The following CDK6 variants were observed in gnomAD, a reference collection of about 807,000 sequenced individuals.
CDK6 encodes cyclin dependent kinase 6, also known as cyclin-dependent kinase 6.
In CDK6, 6 loss-of-function variants were observed where a neutral mutation model predicts 37.1. The ratio of observed to expected loss-of-function variants is 0.16; its 90% CI spans 0.09 to 0.32. The LOEUF is 0.32. CDK6 is among the 10% of genes least tolerant of loss of function. The pLI is 1.00. For synonymous variants in CDK6, 160 were observed against 161.3 expected (o/e 0.99, Z 0.06); for missense variants, 224 against 418.9 (o/e 0.53, Z 4.06).
rs1395271678 is a variant in CDK6, at chr7:92,615,043, T to G, written c.*97A>C. 2 of 1,301,060 alleles carry G rather than the reference T, an allele frequency of 1.5e-6. No individual in the cohort carries two copies. Among genetic ancestry groups the G allele is most frequent in the South Asian group, 1.4e-5 (1 of 70,984 alleles). The allele number at this position is 1,301,060 out of a possible 1,614,324, so 80.6% of individuals were successfully genotyped here. Reference sequence around the variant, plus strand: ...AGACAGCAGCTGGAAGGCCTCCAGATAGCAATCCTCCACAGCTCTGTAGGG... The same window carrying G: ...AGACAGCAGCTGGAAGGCCTCCAGAGAGCAATCCTCCACAGCTCTGTAGGG... On this transcript the variant is annotated 3_prime_UTR_variant, in exon 8 of 8. Transcript: ENST00000424848.
At chr7:92,671,639 T>A (rs1053442153) in intron 4 of CDK6, 104 bp from the exon 5 acceptor site, 4 of 543,124 alleles carry the variant, frequency 7.4e-6, no homozygotes, top group African/African-American at 5.9e-5. Flanking sequence ...CAGAAAGAAC[T>A]CCTATAAATC....
At chr7:92,676,512 A>G (rs1317178410) in intron 4 of CDK6, among the ~76,000 whole-genome samples, 4 of 152,106 alleles carry the variant, frequency 2.6e-5, no homozygotes, top group Non-Finnish European at 5.9e-5. Flanking sequence ...ATATTTTTCT[A>G]TACTTCATTT....
chr7:92,662,865 A>G (rs769780853), intron 5 of CDK6, among the ~76,000 whole-genome samples: 4 of 152,228 alleles, frequency 2.6e-5, no homozygotes, highest in Non-Finnish European at 5.9e-5. Context: ...TGTGCCCCCA[A>G]GAAGCAGATA....
intron 3 of CDK6, among the ~76,000 whole-genome samples, chr7:92,755,222 C>T (rs888167906): frequency 3.9e-4 from 60 of 152,124 alleles, no homozygotes; most frequent in African/African-American, 1.4e-3. Context: ...TGCTGTGGGG[C>T]CCACTTCTAG....
chr7:92,727,096 G>A (rs1324619827), intron 3 of CDK6, among the ~76,000 whole-genome samples: 2 of 152,180 alleles, frequency 1.3e-5, no homozygotes, highest in Non-Finnish European at 2.9e-5. Flanking sequence ...TCTGAAGGTA[G>A]GAACTAAGAC....
chr7:92,768,933 GAGA>G (rs906392493), intron 3 of CDK6, among the ~76,000 whole-genome samples: 54 of 152,272 alleles, frequency 3.5e-4, no homozygotes, highest in South Asian at 4.2e-4. Flanking sequence ...GGAGTGAGAA[GAGA>G]AGAAGATCTG....
intron 3 of CDK6, among the ~76,000 whole-genome samples, chr7:92,745,529 T>C (rs1457313731): frequency 6.6e-6 from 1 of 152,228 alleles, no homozygotes; most frequent in African/African-American, 2.4e-5. Flanking sequence ...CTTCAAAATG[T>C]GTTCTGTTTT....
chr7:92,699,773 A>G lies in CDK6; in HGVS notation c.537+25853T>C, dbSNP rs559707441. On this transcript the variant is annotated intron_variant, in intron 4 of 7. Coordinates refer to ENST00000424848, the MANE Select transcript of CDK6 (RefSeq NM_001145306.2). Reference sequence around the variant, plus strand: ...TCACAGCTGAGCAGAGGAGGCAGACATGTAACTTACCAATTGCACAAGCTC... The same window carrying G: ...TCACAGCTGAGCAGAGGAGGCAGACGTGTAACTTACCAATTGCACAAGCTC... 6.6e-5 allele frequency among the ~76,000 whole-genome samples: 10 copies of G among 152,370 alleles called. 1 individual carries two copies. The South Asian group carries it at 2.1e-3, about 32-fold the overall frequency.
intron 2 of CDK6, among the ~76,000 whole-genome samples, chr7:92,820,538 A>G (rs895430306): frequency 9.2e-5 from 14 of 152,158 alleles, no homozygotes; most frequent in Non-Finnish European, 1.5e-5. Flanking sequence ...ACATAAGTGG[A>G]AGAAAGGTTA....
At chr7:92,766,368 A>G (rs1799581267) in intron 3 of CDK6, among the ~76,000 whole-genome samples, 1 of 152,198 alleles carries the variant, frequency 6.6e-6, no homozygotes, top group African/African-American at 2.4e-5. Flanking sequence ...ACTGTGAAGG[A>G]AAGCAAAAAA....
At chr7:92,662,616 G>A (rs568811466) in intron 5 of CDK6, among the ~76,000 whole-genome samples, 16 of 152,316 alleles carry the variant, frequency 1.1e-4, no homozygotes, top group Admixed American at 9.8e-4. Flanking sequence ...TTGTGTATAG[G>A]CTGGGGGACA....
intron 2 of CDK6, among the ~76,000 whole-genome samples, chr7:92,783,003 T>C (rs1199722777): frequency 1.3e-5 from 2 of 152,130 alleles, no homozygotes; most frequent in Non-Finnish European, 2.9e-5. Flanking sequence ...GGCTCCTCCA[T>C]TCGCATGTCC....
chr7:92,718,461 G>A (rs775994011), intron 4 of CDK6, among the ~76,000 whole-genome samples: 8 of 152,164 alleles, frequency 5.3e-5, no homozygotes, highest in Non-Finnish European at 7.3e-5. Flanking sequence ...AATACAACAC[G>A]CACGAAGAGG....
intron 2 of CDK6, among the ~76,000 whole-genome samples, chr7:92,796,565 C>T (rs1800418886): frequency 6.6e-6 from 1 of 151,994 alleles, no homozygotes; most frequent in African/African-American, 2.4e-5. Context: ...CAGTCTATTT[C>T]CCTTTTACAA....
intron 4 of CDK6, among the ~76,000 whole-genome samples, chr7:92,711,903 A>C (rs1798102344): frequency 6.6e-6 from 1 of 151,928 alleles, no homozygotes; most frequent in Admixed American, 6.6e-5. Context: ...AGCAATGAAC[A>C]AAGAATGCAG....
Position 92,833,544 on chromosome 7 carries a change from G to C in CDK6, c.-221C>G. On this transcript the variant is annotated 5_prime_UTR_variant, in exon 2 of 8. Coordinates refer to ENST00000424848, the MANE Select transcript of CDK6 (RefSeq NM_001145306.2). This position sits in a 1 kb window ranked among gnomAD's most constrained non-coding sequence, Gnocchi z 6.1. ...CTGGCGTAACCCTGGTGCCGCCGCCGCGAAACTCCGCCTGCAGAGTCGCCG... is the reference window on the plus strand; with the variant it reads ...CTGGCGTAACCCTGGTGCCGCCGCCCCGAAACTCCGCCTGCAGAGTCGCCG... 1.8e-6 allele frequency: 1 copy of C among 542,966 alleles called. No individual in the cohort carries two copies. The highest frequency in any genetic ancestry group is 3.2e-6 in the Non-Finnish European group (1 of 313,228). 33.6% of individuals were successfully genotyped at this position (542,966 alleles called of 1,614,324 possible). A position where few individuals can be genotyped will look rare whatever the true frequency, so the allele number is the denominator to read the frequency against.
intron 5 of CDK6, among the ~76,000 whole-genome samples, chr7:92,665,270 T>A (rs541240638): frequency 2.2e-4 from 28 of 125,398 alleles, no homozygotes; most frequent in Admixed American, 9.4e-4. Context: ...CATCCAATCA[T>A]CCATCCATCC....
rs1795416528 is a variant in CDK6 at position 92,605,867 on chromosome 7, G to GTACAGAGGTGT, written c.*9272_*9273insACACCTCTGTA. ...CAGGGTGGACCCGACAGGCCACTGT[G>GTACAGAGGTGT]GTAACTCTCAATCTGTGTACAGAGA... On this transcript the variant is annotated 3_prime_UTR_variant, in exon 8 of 8. Transcript: ENST00000424848. The GTACAGAGGTGT allele has an allele frequency of 4.3e-6, 1 of 233,414 alleles. No individual in the cohort carries two copies. Among genetic ancestry groups the GTACAGAGGTGT allele is most frequent in the Admixed American group, 5.6e-5 (1 of 17,774 alleles). The allele number at this position is 233,414 out of a possible 1,614,324, so 14.5% of individuals were successfully genotyped here. A position where few individuals can be genotyped will look rare whatever the true frequency, so the allele number is the denominator to read the frequency against.
In CDK6 at chr7:92,610,803, T is replaced by C; in HGVS notation, c.*4337A>G. 1 of 228,272 alleles carries C rather than the reference T, an allele frequency of 4.4e-6. No homozygotes were observed. The highest frequency in any genetic ancestry group is 8.7e-6 in the Non-Finnish European group (1 of 115,008). The allele number at this position is 228,272 out of a possible 1,614,324, so 14.1% of individuals were successfully genotyped here. The stretch of plus-strand genomic sequence containing the variant: ...AAATATACTTAATGGACATGATAAA[T>C]GGTTTTGGGTAAGGTTCACAATTTT... On this transcript the variant is annotated 3_prime_UTR_variant, in exon 8 of 8. Transcript: ENST00000424848.
Sources: allele counts gnomAD v4.1 joint callset (sites outside exome capture counted in the v4.1 genomes callset), GRCh38; gene constraint gnomAD v4.1.1; non-coding constraint Gnocchi (gnomAD v3.1); transcripts MANE v1.5; gene names NCBI Gene and HGNC (gene_info 2026-07-23, HGNC 2026-07-21).